ABCD4: variants seen among roughly 807,000 people sequenced by gnomAD.
ABCD4 encodes lysosomal cobalamin transporter ABCD4.
A neutral mutation model predicts 86.3 loss-of-function variants in ABCD4; 53 were observed. That is an observed-to-expected ratio of 0.61 (90% confidence interval 0.49 to 0.77). ABCD4 has a LOEUF of 0.77. Ranked by LOEUF, ABCD4 falls within the 30% of genes least tolerant of loss-of-function variation. The probability of loss-of-function intolerance (pLI) is 0.00; values close to 1 mark genes in which losing one functional copy is unlikely to be tolerated. For synonymous variants in ABCD4, 328 were observed against 313.6 expected, an observed-to-expected ratio of 1.05 and a Z score of -0.49; for missense variants, 757 against 764.5, an observed-to-expected ratio of 0.99 and a Z score of 0.12.
rs139863822 is a variant in ABCD4, at chr14:74,302,903, C to G, written c.10G>C (p.Ala4Pro). The G allele has an allele frequency of 1.4e-3, 2,173 of 1,607,210 alleles. 25 individuals are homozygous for G. The African/African-American group carries it at 0.025, about 19-fold the overall frequency. The change falls in exon 1 of 19, where the codon GCG (alanine) becomes CCG (proline). Residue 4 changes from alanine to proline, a missense_variant. By Grantham distance (27) the Ala-to-Pro change is conservative. Transcript: ENST00000356924. ...GCGCCAGCTCCGGGCGCGGGCCCCG[C>G]GACCGCCATGACCTGAGACCCGAGG... MAV[A>P]GPAPGAGARP...
intron 13 of ABCD4, 154 bp downstream of exon 13, chr14:74,289,873 G>C: frequency 5.4e-6 from 8 of 1,477,258 alleles, no homozygotes; most frequent in Non-Finnish European, 8.9e-7. Flanking sequence ...TGAATAGAAG[G>C]TTCTTAGAGC....
intron 8 of ABCD4, 77 bp from the exon 9 acceptor site, chr14:74,292,946 C>A (rs1015781973): frequency 1.3e-6 from 2 of 1,598,104 alleles, no homozygotes; most frequent in Middle Eastern, 1.7e-4. Context: ...AGACAGGGAG[C>A]AGGACGCCAA....
Position 74,286,416 on chromosome 14 carries a change from C to A in ABCD4, c.*45G>T, listed in dbSNP as rs1263714222. The A allele has an allele frequency of 6.2e-7, 1 of 1,607,174 alleles. No homozygotes were observed. Among genetic ancestry groups the A allele is most frequent in the South Asian group, 1.1e-5 (1 of 90,932 alleles). On this transcript the variant is annotated 3_prime_UTR_variant, in exon 19 of 19. Transcript: ENST00000356924. ...CAGTCCTCCTGGTCTCTCCTGAGGGCCGCCGACCCGCCACAGTGTGGCTCT... is the reference window on the plus strand; with the variant it reads ...CAGTCCTCCTGGTCTCTCCTGAGGGACGCCGACCCGCCACAGTGTGGCTCT...
Position 74,300,151 on chromosome 14 carries a change from C to A in ABCD4, c.156G>T (p.Leu52=). The A allele has an allele frequency of 1.2e-6, 2 of 1,607,362 alleles. No homozygotes were observed. The highest frequency in any genetic ancestry group is 1.7e-6 in the Non-Finnish European group (2 of 1,174,884). Residue 52 remains leucine, a splice_region_variant and synonymous_variant, in exon 2 of 19, where the codon CTG becomes CTT. Coordinates refer to ENST00000356924, the MANE Select transcript of ABCD4 (RefSeq NM_005050.4). ...TCTAGTCTGGGCTCACTCACTCACC[C>A]AGTAGGGTCAGGCACAAAAGGGTCA... ...MFLTLLCLTL[L]EQFVIYQVGL...
chr14:74,289,213 G>A, intron 14 of ABCD4: 1 of 1,308,872 alleles, frequency 7.6e-7, no homozygotes, highest in Non-Finnish European at 9.7e-7. Flanking sequence ...TGAAACCACA[G>A]GTTGCAGATC....
At position 74,290,511 on chromosome 14, in the gene ABCD4, A is replaced by G; in HGVS notation, c.1119-12T>C. 6.2e-7 allele frequency: 1 copy of G among 1,609,166 alleles called. No individual in the cohort carries two copies. The highest frequency in any genetic ancestry group is 8.5e-7 in the Non-Finnish European group (1 of 1,179,212). On this transcript the variant is annotated splice_polypyrimidine_tract_variant and intron_variant, in intron 11 of 18. Coordinates refer to ENST00000356924, the MANE Select transcript of ABCD4 (RefSeq NM_005050.4). ...GCCACCCTGGGGGTCTGTGTCAGAG[A>G]AGAGAGGGGGCGTGAGGAAGATGGG...
Position 74,292,962 on chromosome 14 carries a change from G to A in ABCD4, c.815-93C>T, listed in dbSNP as rs2081944126. On this transcript the variant is annotated intron_variant, in intron 8 of 18. Transcript: ENST00000356924. Reference sequence around the variant, plus strand: ...GACAGGGAGCAGGACGCCAAGTAGGGCCACGTGGACTCTCTGGATCCTCAT... The same window carrying A: ...GACAGGGAGCAGGACGCCAAGTAGGACCACGTGGACTCTCTGGATCCTCAT... 1.3e-5 allele frequency: 21 copies of A among 1,575,870 alleles called. No individual in the cohort carries two copies. In the South Asian group the frequency reaches 2.2e-4, roughly 17 times the overall value.
rs2139805226 is a variant in ABCD4 at position 74,289,711 on chromosome 14, T to A, written c.1420-192A>T. On this transcript the variant is annotated intron_variant, in intron 13 of 18. Transcript: ENST00000356924. ...GGTCCCTACAACCTTCAGAAGTGTG[T>A]TTAGGGGGAACAGTCTGACAGCCTC... 3 of 1,438,264 alleles carry A rather than the reference T, an allele frequency of 2.1e-6. No individual in the cohort carries two copies. The East Asian group carries it at 7.5e-5, about 36-fold the overall frequency. The allele number at this position is 1,438,264 out of a possible 1,614,324, so 89.1% of individuals were successfully genotyped here. A position where few individuals can be genotyped will look rare whatever the true frequency, so the allele number is the denominator to read the frequency against.
At chr14:74,300,063 CAAAA>C (rs10557205) in intron 2 of ABCD4, 83 bp downstream of exon 2, 16,533 of 322,442 alleles carry the variant, frequency 0.051, no homozygotes, top group Middle Eastern at 0.097. Context: ...AACTCTGTCT[CAAAA>C]AAAAAAAAAA....
intron 14 of ABCD4, 181 bp from the exon 15 acceptor site, chr14:74,288,946 T>C: frequency 3.3e-6 from 3 of 915,474 alleles, no homozygotes; most frequent in Non-Finnish European, 4.7e-6. Flanking sequence ...ACGCTGTCTC[T>C]ACTAAATATA....
chr14:74,296,299 G>A, intron 5 of ABCD4, 34 bp downstream of exon 5: 3 of 1,601,384 alleles, frequency 1.9e-6, no homozygotes, highest in Non-Finnish European at 2.6e-6. Context: ...GGCCCTCTGG[G>A]GAAACACCAG....
rs868854685 is a variant in ABCD4, at chr14:74,300,215, A to G, written c.92T>C (p.Leu31Ser). Reference protein sequence around the residue: ...LQRFLQILKVLFPSWSSQNAL... With the variant: ...LQRFLQILKVSFPSWSSQNAL... ...ATTTTGTGATGACCAAGAAGGAAAC[A>G]AAACCTTCAGTATCTGCAGGAACCG... The change falls in exon 2 of 19, where the codon TTG becomes TCG. Residue 31 changes from leucine (L) to serine (S), a missense_variant. Physicochemically the swap from Leu to Ser is moderately radical, Grantham distance 145. Transcript: ENST00000356924. 6.2e-7 allele frequency: 1 copy of G among 1,614,012 alleles called. No individual in the cohort carries two copies. Among genetic ancestry groups the G allele is most frequent in the Non-Finnish European group, 8.5e-7 (1 of 1,179,938 alleles).
chr14:74,286,661 T>C, intron 18 of ABCD4, 40 bp downstream of exon 18: 1 of 1,613,440 alleles, frequency 6.2e-7, no homozygotes, highest in Non-Finnish European at 8.5e-7. Flanking sequence ...AGCCTTTGGG[T>C]TCTTTCTCCT....
chr14:74,296,130 T>C, intron 5 of ABCD4, 151 bp from the exon 6 acceptor site: 1 of 1,230,040 alleles, frequency 8.1e-7, no homozygotes, highest in South Asian at 1.5e-5. Context: ...GGGCATCTGG[T>C]ATGAGCTCTC....
chr14:74,287,667 G>A lies in ABCD4; in HGVS notation c.1636+143C>T, dbSNP rs556022656. On this transcript the variant is annotated intron_variant, in intron 17 of 18. Coordinates refer to ENST00000356924, the MANE Select transcript of ABCD4 (RefSeq NM_005050.4). ...GACGATGCCAGGCACTGTTTACACG[G>A]GCAGGGCCTGCTGTCCTCTCCAGCA... 7.2e-5 allele frequency: 53 copies of A among 737,388 alleles called. No individual in the cohort carries two copies. The South Asian group carries it at 9.0e-4, about 12-fold the overall frequency. 45.7% of individuals were successfully genotyped at this position (737,388 alleles called of 1,614,324 possible).
chr14:74,290,642 C>A (rs2081246271), intron 11 of ABCD4, 143 bp from the exon 12 acceptor site: 4 of 640,622 alleles, frequency 6.2e-6, no homozygotes, highest in Non-Finnish European at 1.1e-5. Flanking sequence ...GAAGTCCAGC[C>A]CCCTAGTGAC....
intron 3 of ABCD4, 150 bp from the exon 4 acceptor site, chr14:74,298,219 C>A: frequency 2.1e-6 from 3 of 1,413,914 alleles, no homozygotes; most frequent in Non-Finnish European, 1.9e-6. Context: ...TTTTTTAAAT[C>A]ATCGAGTCAT....
intron 5 of ABCD4, 60 bp downstream of exon 5, chr14:74,296,273 G>A: frequency 6.6e-7 from 1 of 1,517,950 alleles, no homozygotes; most frequent in Non-Finnish European, 9.1e-7. Flanking sequence ...ACCTTGACCT[G>A]GGAGAGCTGA....
intron 4 of ABCD4, chr14:74,296,964 G>A (rs2083029728): frequency 1.3e-5 from 2 of 153,314 alleles, no homozygotes; most frequent in Non-Finnish European, 2.9e-5. Flanking sequence ...AAGTTAGGCA[G>A]CAGCAGCAGC....
Sources: allele counts gnomAD v4.1 joint callset, GRCh38; gene constraint gnomAD v4.1.1; transcripts MANE v1.5; gene names NCBI Gene and HGNC (gene_info 2026-07-23, HGNC 2026-07-21).